Variants in CCDC28B observed in about 807,000 individuals in gnomAD.
The protein encoded by CCDC28B is coiled-coil domain containing 28B.
A neutral mutation model predicts 18.7 loss-of-function variants in CCDC28B; 17 were observed. That is an observed-to-expected ratio of 0.91 (90% CI 0.62 to 1.36). The LOEUF is 1.36. CCDC28B is among the 40% of genes most tolerant of loss of function. The pLI is 0.00. For synonymous variants in CCDC28B, 116 were observed against 105.1 expected, an observed-to-expected ratio of 1.10 and a Z score of -0.64; for missense variants, 213 against 251.7, an observed-to-expected ratio of 0.85 and a Z score of 1.04.
chr1:32,204,685 G>C lies in CCDC28B; in HGVS notation c.548+65G>C, dbSNP rs566460209. 26 of 1,614,064 alleles carry C rather than the reference G, an allele frequency of 1.6e-5. No individual in the cohort carries two copies. The East Asian group carries it at 5.6e-4, about 35-fold the overall frequency. ...TGAGAGGTCAGTTTCCTCCTCTCCA[G>C]CCCTCCAGGAGTATTCACACACAAC... On this transcript the variant is annotated intron_variant, in intron 5 of 5. Coordinates refer to ENST00000373602, the MANE Select transcript of CCDC28B (RefSeq NM_024296.5).
At chr1:32,199,793 G>A (rs1480031916), upstream of CCDC28B, among the ~76,000 whole-genome samples, 1 of 152,176 alleles carries the variant, frequency 6.6e-6, no homozygotes, top group African/African-American at 2.4e-5. Context: ...CTGCTGAGCC[G>A]CCTGGCCAAA....
intron 4 of CCDC28B, 31 bp from the exon 5 acceptor site, chr1:32,204,567 C>G (rs537080965): frequency 5.8e-6 from 9 of 1,545,368 alleles, no homozygotes; most frequent in Non-Finnish European, 7.8e-6. Flanking sequence ...CCCCTCCTAA[C>G]AGAAGCCTCC....
chr1:32,204,291 A>G lies in CCDC28B; in HGVS notation c.437A>G (p.Glu146Gly), dbSNP rs746479851. Reference sequence around the variant, plus strand: ...GTGTGTGGGGAGGAGGAGGACGATGAAGAGGAAGAGGATGGGGTCACTGAG... The same window carrying G: ...GTGTGTGGGGAGGAGGAGGACGATGGAGAGGAAGAGGATGGGGTCACTGAG... ...LDVCGEEEDD[E>G]EEEDGVTEGL... The change falls in exon 4 of 6, where the codon GAA becomes GGA. Residue 146 changes from glutamate to glycine, a missense_variant. Coordinates refer to ENST00000373602, the MANE Select transcript of CCDC28B (RefSeq NM_024296.5). 8 of 1,613,568 alleles carry G rather than the reference A, an allele frequency of 5.0e-6. No individual in the cohort carries two copies. The highest frequency in any genetic ancestry group is 5.9e-6 in the Non-Finnish European group (7 of 1,179,788).
chr1:32,204,595 C>G lies in CCDC28B; in HGVS notation c.526-3C>G, dbSNP rs768338508. On this transcript the variant is annotated splice_polypyrimidine_tract_variant and splice_region_variant and intron_variant, in intron 4 of 5. Coordinates refer to ENST00000373602, the MANE Select transcript of CCDC28B (RefSeq NM_024296.5). ...AAGCCTCCCTTTTTCTCTTTGTTGG[C>G]AGCTGGAAGACCTCAGTAATTCTAT... The G allele has an allele frequency of 1.3e-6, 2 of 1,563,894 alleles. No individual in the cohort carries two copies. Among genetic ancestry groups the G allele is most frequent in the Non-Finnish European group, 1.7e-6 (2 of 1,156,594 alleles).
Position 32,201,954 on chromosome 1 carries a change from A to G in CCDC28B, c.19A>G (p.Lys7Glu). Residue 7 changes from lysine to glutamate, a missense_variant, in exon 2 of 6, where the codon AAA becomes GAA. By Grantham distance (56) the Lys-to-Glu change is moderately conservative (BLOSUM62 1). Coordinates refer to ENST00000373602, the MANE Select transcript of CCDC28B (RefSeq NM_024296.5). MDDKKK[K>E]RSPKPCLAQP... ...GCGCCCAATGGATGACAAAAAGAAG[A>G]AACGGAGTCCCAAGCCCTGCCTGGC... The G allele has an allele frequency of 6.2e-7, 1 of 1,605,212 alleles. No homozygotes were observed. Among genetic ancestry groups the G allele is most frequent in the Non-Finnish European group, 8.5e-7 (1 of 1,176,528 alleles).
chr1:32,204,828 TA>T, intron 5 of CCDC28B: 1 of 1,561,726 alleles, frequency 6.4e-7, no homozygotes, highest in Non-Finnish European at 8.7e-7. Context: ...GATGTTTTAC[TA>T]CTGATCAAAA....
Position 32,202,082 on chromosome 1 carries a change from G to T in CCDC28B, c.147G>T (p.Gln49His). Residue 49 changes from glutamine (Q) to histidine (H), a missense_variant, in exon 2 of 6, where the codon CAG becomes CAT. Coordinates refer to ENST00000373602, the MANE Select transcript of CCDC28B (RefSeq NM_024296.5). ...TTCCTCATCTGCCATCCCCCAAGCA[G>T]CGGGCCAAGTTCAAGAGGTGGGTAC... ...LGLPHLPSPK[Q>H]RAKFKRVGKE... The T allele has an allele frequency of 1.9e-6, 3 of 1,612,966 alleles. No individual in the cohort carries two copies. The South Asian group carries it at 3.3e-5, about 18-fold the overall frequency.
At chr1:32,201,175 G>A (rs1336564515) in intron 1 of CCDC28B, among the ~76,000 whole-genome samples, 1 of 152,218 alleles carries the variant, frequency 6.6e-6, no homozygotes, top group Non-Finnish European at 1.5e-5. Flanking sequence ...AGCCACAGGC[G>A]CAGCCTTTGT....
intron 4 of CCDC28B, 71 bp from the exon 5 acceptor site, chr1:32,204,526 GC>G: frequency 1.3e-6 from 2 of 1,518,200 alleles, no homozygotes; most frequent in South Asian, 1.3e-5. Flanking sequence ...CCAGAAGATA[GC>G]CCCCAGAGCA....
chr1:32,199,143 TTC>T (rs1643091093), upstream of CCDC28B, among the ~76,000 whole-genome samples: 1 of 152,206 alleles, frequency 6.6e-6, no homozygotes, highest in Non-Finnish European at 1.5e-5. Flanking sequence ...CAGCACCCTG[TTC>T]TCTCTGGGTC....
chr1:32,204,812 G>C, intron 5 of CCDC28B, 192 bp downstream of exon 5: 1 of 1,577,956 alleles, frequency 6.3e-7, no homozygotes. Context: ...AAAAGTGGTT[G>C]TAGGGGATGT....
At chr1:32,201,237 T>G (rs1643141371) in intron 1 of CCDC28B, among the ~76,000 whole-genome samples, 1 of 152,178 alleles carries the variant, frequency 6.6e-6, no homozygotes, top group Non-Finnish European at 1.5e-5. Flanking sequence ...TGGCTGCAGC[T>G]GAAGCCCAGC....
rs1643138910 is a variant in CCDC28B at position 32,201,113 on chromosome 1, G to A, written c.-24+404G>A. On this transcript the variant is annotated intron_variant, in intron 1 of 5. Transcript: ENST00000373602. ...GAGACCCCCAGAGGAGGGAACCCCA[G>A]CCGACCGGAGGCTTGGGGGGCGCTG... 2.8e-5 allele frequency among the ~76,000 whole-genome samples: 4 copies of A among 142,656 alleles called. No individual in the cohort carries two copies. In the South Asian group the frequency reaches 1.0e-3, roughly 37 times the overall value. 93.6% of individuals were successfully genotyped at this position (142,656 alleles called of 152,430 possible).
chr1:32,202,019 T>G lies in CCDC28B; in HGVS notation c.84T>G (p.Pro28=), dbSNP rs776775979. ...AQAPGTLRRV[P]VPTSHSGSLA... ...CCCCAGGCACACTACGGAGGGTCCC[T>G]GTGCCTACCAGCCACAGCGGCTCCT... The change falls in exon 2 of 6, where the codon CCT becomes CCG. Residue 28 remains proline, a synonymous_variant. Coordinates refer to ENST00000373602, the MANE Select transcript of CCDC28B (RefSeq NM_024296.5). The G allele has an allele frequency of 9.3e-6, 15 of 1,613,520 alleles. No individual in the cohort carries two copies. The highest frequency in any genetic ancestry group is 1.2e-5 in the Non-Finnish European group (14 of 1,179,984).
chr1:32,204,379 T>C lies in CCDC28B; in HGVS notation c.525T>C (p.Asn175=). ...GTAACCTGGACCAGCTGCTTAGCAATGTGGGTTCATGTCTGGGTGCTTTGG... is the reference window on the plus strand; with the variant it reads ...GTAACCTGGACCAGCTGCTTAGCAACGTGGGTTCATGTCTGGGTGCTTTGG... ...ADRNLDQLLS[N]LEDLSNSIQK... is the part of the protein sequence containing the mutation. Residue 175 remains asparagine, a splice_region_variant and synonymous_variant, in exon 4 of 6, where the codon AAT becomes AAC. Transcript: ENST00000373602. 8 of 1,568,516 alleles carry C rather than the reference T, an allele frequency of 5.1e-6. No homozygotes were observed. The highest frequency in any genetic ancestry group is 6.9e-6 in the Non-Finnish European group (8 of 1,156,890).
In CCDC28B at chr1:32,205,142, C is replaced by T; in HGVS notation, c.549-52C>T. 6.2e-7 allele frequency: 1 copy of T among 1,603,178 alleles called. No individual in the cohort carries two copies. Among genetic ancestry groups the T allele is most frequent in the Non-Finnish European group, 8.5e-7 (1 of 1,172,660 alleles). ...ACTAAACCTGTGCAAGATGGGAGAC[C>T]GGGGTGGGAGGAAGGACTGGTCCAA... On this transcript the variant is annotated intron_variant, in intron 5 of 5. Coordinates refer to ENST00000373602, the MANE Select transcript of CCDC28B (RefSeq NM_024296.5). This position sits in a 1 kb window ranked among gnomAD's most constrained non-coding sequence, Gnocchi z 5.6.
At chr1:32,201,797 G>T in intron 1 of CCDC28B, 116 bp from the exon 2 acceptor site, 2 of 825,694 alleles carry the variant, frequency 2.4e-6, no homozygotes, top group Non-Finnish European at 3.9e-6. Context: ...CTACCGTATA[G>T]ATGAGGTGAC....
At chr1:32,201,617 C>A (rs1643149001) in intron 1 of CCDC28B, 2 of 242,552 alleles carry the variant, frequency 8.2e-6, no homozygotes, top group Non-Finnish European at 1.6e-5. Flanking sequence ...CCCCGCCCCC[C>A]AGCCACCGTG....
chr1:32,198,281 CCTTA>C (rs1319321398), upstream of CCDC28B: 2 of 152,282 alleles, frequency 1.3e-5, no homozygotes, highest in Non-Finnish European at 2.9e-5. Context: ...GAGTCTGTTG[CCTTA>C]CTTGTTTCTC....
Sources: gnomAD v4.1 joint callset for allele counts (sites outside exome capture counted in the v4.1 genomes callset) on GRCh38, gnomAD v4.1.1 for gene constraint, Gnocchi (gnomAD v3.1) non-coding constraint, MANE v1.5 for transcripts, NCBI Gene and HGNC (gene_info 2026-07-23, HGNC 2026-07-21) for gene names.